Variants in NUDT5 observed in about 807,000 individuals in gnomAD.
The protein encoded by NUDT5 is ADP-sugar pyrophosphatase.
Under a neutral mutation model 34.1 loss-of-function variants are expected in NUDT5, and 21 were observed. That is an observed-to-expected ratio of 0.62 (90% CI 0.44 to 0.89). The LOEUF is 0.89. NUDT5 is among the 40% of genes least tolerant of loss of function. The probability of loss-of-function intolerance (pLI) is 0.00; values close to 1 mark genes in which losing one functional copy is unlikely to be tolerated. For synonymous variants in NUDT5, 85 were observed against 97.6 expected, an observed-to-expected ratio of 0.87 and a Z score of 0.76; for missense variants, 249 against 274.8, an observed-to-expected ratio of 0.91 and a Z score of 0.66.
At position 12,167,727 on chromosome 10, in the gene NUDT5, A is replaced by G. The variant is rs1040080294; in HGVS notation, c.635T>C (p.Phe212Ser). Residue 212 changes from phenylalanine (F) to serine (S), a missense_variant, in exon 10 of 10, where the codon TTT becomes TCT. Transcript: ENST00000491614. Reference sequence around the variant, plus strand: ...TTAAAATTTCAAGAAGGGCACTTCAAATGGCTTTGCATTTGCATGTTTCAG... The same window carrying G: ...TTAAAATTTCAAGAAGGGCACTTCAGATGGCTTTGCATTTGCATGTTTCAG... ...LALKHANAKP[F>S]EVPFLKF 3.7e-6 allele frequency: 6 copies of G among 1,614,070 alleles called. No homozygotes were observed. Among genetic ancestry groups the G allele is most frequent in the Admixed American group, 1.7e-5 (1 of 60,000 alleles).
In NUDT5 at chr10:12,187,637, G is replaced by A. The variant is rs1313447171; in HGVS notation, c.-41-1305C>T. 6.6e-6 allele frequency among the ~76,000 whole-genome samples: 1 copy of A among 152,122 alleles called. No individual in the cohort carries two copies. The highest frequency in any genetic ancestry group is 1.5e-5 in the Non-Finnish European group (1 of 68,026). Reference sequence around the variant, plus strand: ...GTCTTACTTCTGGTGCTGCTGTTGAGAAGTCCAAAGCTATTCTTATTCTTG... The same window carrying A: ...GTCTTACTTCTGGTGCTGCTGTTGAAAAGTCCAAAGCTATTCTTATTCTTG... On this transcript the variant is annotated intron_variant, in intron 1 of 9. Transcript: ENST00000491614. This position sits in a 1 kb window ranked among gnomAD's most constrained non-coding sequence, Gnocchi z 5.4.
At chr10:12,176,035 T>G (rs1055049127) in intron 5 of NUDT5, among the ~76,000 whole-genome samples, 3 of 151,704 alleles carry the variant, frequency 2.0e-5, no homozygotes, top group Admixed American at 1.3e-4. Flanking sequence ...CCGTCTCTAC[T>G]GAGAATACAA....
At chr10:12,193,564 C>T (rs1425688695) in intron 1 of NUDT5, among the ~76,000 whole-genome samples, 1 of 152,174 alleles carries the variant, frequency 6.6e-6, no homozygotes, top group Admixed American at 6.5e-5. Flanking sequence ...TTAGTGAAGA[C>T]AACCACGGTG....
At chr10:12,167,877 C>T in intron 9 of NUDT5, 66 bp from the exon 10 acceptor site, 1 of 1,601,286 alleles carries the variant, frequency 6.2e-7, no homozygotes, top group East Asian at 2.2e-5. Flanking sequence ...CTTATTCAAT[C>T]AGTGTTTGCG....
In NUDT5 at chr10:12,175,596, TG is replaced by T. The variant is rs1256662557; in HGVS notation, c.290-1784del. Among the ~76,000 whole-genome samples, 1 of 151,524 alleles carries T rather than the reference TG, an allele frequency of 6.6e-6. No individual in the cohort carries two copies. The highest frequency in any genetic ancestry group is 1.5e-5 in the Non-Finnish European group (1 of 67,842). On this transcript the variant is annotated intron_variant, in intron 5 of 9. Coordinates refer to ENST00000491614, the MANE Select transcript of NUDT5 (RefSeq NM_014142.4). The surrounding 1 kb of genome is among the most constrained non-coding windows in gnomAD (Gnocchi z 4.8). ...GGTCAAGGCTGCAGTGAGCTGTGAT[TG>T]TGCCACTGCACTCCAACATGGGCAA...
rs540551088 is a variant in NUDT5, at chr10:12,166,964, T to C, written c.*738A>G. Reference sequence around the variant, plus strand: ...GATATTACTGCCCCAAACATGTCAGTCTTACAGATTTGTTTTCAGAAACTT... The same window carrying C: ...GATATTACTGCCCCAAACATGTCAGCCTTACAGATTTGTTTTCAGAAACTT... On this transcript the variant is annotated 3_prime_UTR_variant, in exon 10 of 10. Coordinates refer to ENST00000491614, the MANE Select transcript of NUDT5 (RefSeq NM_014142.4). 2 of 229,088 alleles carry C rather than the reference T, an allele frequency of 8.7e-6. No homozygotes were observed. The highest frequency in any genetic ancestry group is 1.0e-4 in the South Asian group (2 of 19,476). 14.2% of individuals were successfully genotyped at this position (229,088 alleles called of 1,614,324 possible).
At position 12,166,687 on chromosome 10, in the gene NUDT5, G is replaced by A; in HGVS notation, c.*1015C>T. On this transcript the variant is annotated 3_prime_UTR_variant, in exon 10 of 10. Coordinates refer to ENST00000491614, the MANE Select transcript of NUDT5 (RefSeq NM_014142.4). The stretch of plus-strand genomic sequence containing the variant: ...TAGGGCTGGATGAGAATCATCCTGA[G>A]AATTCCGTGGGGGCCAGACTGGAAA... 2.0e-6 allele frequency: 1 copy of A among 500,840 alleles called. No individual in the cohort carries two copies. Among genetic ancestry groups the A allele is most frequent in the Non-Finnish European group, 4.1e-6 (1 of 244,000 alleles). The allele number at this position is 500,840 out of a possible 1,614,324, so 31.0% of individuals were successfully genotyped here.
chr10:12,165,690 A>ACTT lies in NUDT5; in HGVS notation c.*2009_*2011dup, dbSNP rs1291967131. On this transcript the variant is annotated 3_prime_UTR_variant, in exon 10 of 10. Transcript: ENST00000491614. ...TGTGCTTTATTTCCCAAAAGATCAA[A>ACTT]CTTAATTTTTAAAAGACACCCTTTT... is the stretch of plus-strand genomic sequence containing the variant. 2.0e-5 allele frequency: 3 copies of ACTT among 152,264 alleles called. No individual in the cohort carries two copies. The highest frequency in any genetic ancestry group is 7.2e-5 in the African/African-American group (3 of 41,462). 9.4% of individuals were successfully genotyped at this position (152,264 alleles called of 1,614,324 possible).
chr10:12,194,166 C>T (rs1280846903), intron 1 of NUDT5, among the ~76,000 whole-genome samples: 1 of 152,256 alleles, frequency 6.6e-6, no homozygotes, highest in Non-Finnish European at 1.5e-5. Flanking sequence ...TGAGGCACCG[C>T]GCCCGGCCTA....
chr10:12,189,390 A>G (rs1024116762), intron 1 of NUDT5, among the ~76,000 whole-genome samples: 4 of 152,078 alleles, frequency 2.6e-5, no homozygotes. Flanking sequence ...ACAGGCGTGA[A>G]CCACCGTGCC....
In NUDT5 at chr10:12,170,589, A is replaced by C; in HGVS notation, c.550+128T>G. 3 of 907,266 alleles carry C rather than the reference A, an allele frequency of 3.3e-6. No individual in the cohort carries two copies. In the Admixed American group the frequency reaches 6.0e-5, roughly 18 times the overall value. 56.2% of individuals were successfully genotyped at this position (907,266 alleles called of 1,614,324 possible). A position where few individuals can be genotyped will look rare whatever the true frequency, so the allele number is the denominator to read the frequency against. On this transcript the variant is annotated intron_variant, in intron 9 of 9. Transcript: ENST00000491614. This position sits in a 1 kb window ranked among gnomAD's most constrained non-coding sequence, Gnocchi z 4.9. ...AGTAGTGGTCACCTGCAGTTTTACA[A>C]GTTGCTAGGCATTTGACTTTAGTGA...
In NUDT5 at chr10:12,170,279, T is replaced by G. The variant is rs1165596592; in HGVS notation, c.550+438A>C. On this transcript the variant is annotated intron_variant, in intron 9 of 9. Coordinates refer to ENST00000491614, the MANE Select transcript of NUDT5 (RefSeq NM_014142.4). This position sits in a 1 kb window ranked among gnomAD's most constrained non-coding sequence, Gnocchi z 4.9. ...TCACACGGAGTATACAGGAAATACC[T>G]CAAGTATTTGTTGAAGGAGCATCAT... 7.7e-7 allele frequency: 1 copy of G among 1,298,928 alleles called. No individual in the cohort carries two copies. The highest frequency in any genetic ancestry group is 1.5e-5 in the African/African-American group (1 of 68,748). The allele number at this position is 1,298,928 out of a possible 1,614,324, so 80.5% of individuals were successfully genotyped here. A position where few individuals can be genotyped will look rare whatever the true frequency, so the allele number is the denominator to read the frequency against.
chr10:12,195,849 G>C lies in NUDT5; in HGVS notation c.-121C>G, dbSNP rs1476399341. 4.4e-6 allele frequency: 1 copy of C among 227,208 alleles called. No individual in the cohort carries two copies. The highest frequency in any genetic ancestry group is 2.3e-5 in the African/African-American group (1 of 43,006). 14.1% of individuals were successfully genotyped at this position (227,208 alleles called of 1,614,324 possible). On this transcript the variant is annotated 5_prime_UTR_variant, in exon 1 of 10. Transcript: ENST00000491614. ...CAGTGTCAGCCGATGCCGGTGCCAC[G>C]GCTCGAAACACCGGCGCCTCTCGCG...
intron 3 of NUDT5, among the ~76,000 whole-genome samples, chr10:12,179,690 T>G (rs912886782): frequency 1.3e-4 from 20 of 152,348 alleles, no homozygotes; most frequent in South Asian, 2.1e-4. Flanking sequence ...GTGTGAGATC[T>G]TATCTAGAAA....
At position 12,184,935 on chromosome 10, in the gene NUDT5, C is replaced by A. The variant is rs575921260; in HGVS notation, c.85G>T (p.Val29Phe). 4 of 1,583,876 alleles carry A rather than the reference C, an allele frequency of 2.5e-6. No individual in the cohort carries two copies. Among genetic ancestry groups the A allele is most frequent in the Admixed American group, 3.4e-5 (2 of 58,958 alleles). The change falls in exon 3 of 10, where the codon GTC becomes TTC. Residue 29 changes from valine to phenylalanine, a missense_variant. Physicochemically the swap from Val to Phe is conservative, Grantham distance 50. Coordinates refer to ENST00000491614, the MANE Select transcript of NUDT5 (RefSeq NM_014142.4). ...ATGTACGTTGTTTTTTCAAGCTTGACCCATTTTCCTTCTGAAATTAACTAA... is the reference window on the plus strand; with the variant it reads ...ATGTACGTTGTTTTTTCAAGCTTGAACCATTTTCCTTCTGAAATTAACTAA... Reference protein sequence around the residue: ...SEELISEGKWVKLEKTTYMDP... With the variant: ...SEELISEGKWFKLEKTTYMDP...
chr10:12,186,121 C>A, intron 2 of NUDT5, 108 bp downstream of exon 2: 1 of 928,682 alleles, frequency 1.1e-6, no homozygotes, highest in South Asian at 1.5e-5. Context: ...AAAATCTTTA[C>A]AACTGTCTTC....
rs1834797064 is a variant in NUDT5, at chr10:12,169,364, T to G, written c.550+1353A>C. The G allele has an allele frequency of 2.1e-6, 3 of 1,409,794 alleles. No individual in the cohort carries two copies. The highest frequency in any genetic ancestry group is 2.9e-6 in the Non-Finnish European group (3 of 1,026,884). The allele number at this position is 1,409,794 out of a possible 1,614,324, so 87.3% of individuals were successfully genotyped here. On this transcript the variant is annotated intron_variant, in intron 9 of 9. Coordinates refer to ENST00000491614, the MANE Select transcript of NUDT5 (RefSeq NM_014142.4). The surrounding 1 kb of genome is among the most constrained non-coding windows in gnomAD (Gnocchi z 4.8). ...GCACGGCATTTCACACTTGCCTACG[T>G]CACCCTGCTTTCCACGCACCTCCTC...
intron 1 of NUDT5, among the ~76,000 whole-genome samples, chr10:12,190,696 C>T (rs1418646175): frequency 2.0e-5 from 3 of 151,008 alleles, no homozygotes; most frequent in African/African-American, 7.3e-5. Context: ...GCAACCTCCA[C>T]CTCCCAGGTT....
chr10:12,174,265 CTT>C (rs199714426), intron 5 of NUDT5, among the ~76,000 whole-genome samples: 72 of 135,578 alleles, frequency 5.3e-4, no homozygotes, highest in African/African-American at 5.5e-4. Flanking sequence ...GATTGGAACT[CTT>C]TTTTTTTTTT....
Sources: allele counts gnomAD v4.1 joint callset (sites outside exome capture counted in the v4.1 genomes callset), GRCh38; gene constraint gnomAD v4.1.1; non-coding constraint Gnocchi (gnomAD v3.1); transcripts MANE v1.5; gene names NCBI Gene and HGNC (gene_info 2026-07-23, HGNC 2026-07-21).